Variants in PCDH11X observed in about 807,000 individuals in gnomAD.
PCDH11X encodes protocadherin 11 X-linked, also known as protocadherin-11 X-linked.
Under a neutral mutation model 53.3 loss-of-function variants are expected in PCDH11X, and 18 were observed. The observed-to-expected ratio is 0.34, with a 90% confidence interval of 0.23 to 0.50. PCDH11X has a LOEUF of 0.50. PCDH11X is among the 20% of genes least tolerant of loss of function. PCDH11X has a pLI of 0.98. For missense variants in PCDH11X, 570 were observed against 1,032.4 expected (o/e 0.55, Z 6.14); for synonymous variants, 279 against 393.3 (o/e 0.71, Z 3.44).
chrX:92,425,659 C>A (rs1168560044), intron 9 of PCDH11X, among the ~76,000 whole-genome samples: 1 of 102,388 alleles, frequency 9.8e-6, no homozygotes, highest in Non-Finnish European at 2.0e-5. Context: ...AAAGAGTATA[C>A]AAATGGGGTT....
chrX:92,292,566 G>A (rs373881242), intron 8 of PCDH11X, among the ~76,000 whole-genome samples: 2 of 110,751 alleles, frequency 1.8e-5, no homozygotes. Flanking sequence ...GTCATTTACT[G>A]AAGCCACAAC....
chrX:91,880,828 A>G (rs1404115121), intron 6 of PCDH11X, among the ~76,000 whole-genome samples: 7 of 110,127 alleles, frequency 6.4e-5, no homozygotes, highest in Non-Finnish European at 1.1e-4. Flanking sequence ...GTTTTTGTTT[A>G]TATTTAACCA....
chrX:92,167,242 CT>C (rs1226182882), intron 6 of PCDH11X, among the ~76,000 whole-genome samples: 3 of 111,237 alleles, frequency 2.7e-5, no homozygotes, highest in Non-Finnish European at 5.7e-5. Flanking sequence ...GGAATCTTCT[CT>C]TAAGAACTTT....
chrX:92,428,688 T>C (rs2072182562), intron 9 of PCDH11X, among the ~76,000 whole-genome samples: 1 of 111,384 alleles, frequency 9.0e-6, no homozygotes, highest in South Asian at 3.7e-4. Context: ...CATGCTAGTA[T>C]GGTTGTGCTA....
chrX:92,316,263 T>C (rs1020151601), intron 8 of PCDH11X, among the ~76,000 whole-genome samples: 1 of 110,735 alleles, frequency 9.0e-6, no homozygotes, highest in African/African-American at 3.3e-5. Flanking sequence ...TGCCAAATGC[T>C]AGGCAAATAA....
chrX:92,604,856 G>GA (rs1926621541), intron 10 of PCDH11X, among the ~76,000 whole-genome samples: 1 of 109,043 alleles, frequency 9.2e-6, no homozygotes, highest in African/African-American at 3.4e-5. Context: ...ATTTTATCAT[G>GA]AAAAAATGGT....
chrX:92,035,033 T>G (rs1162846256), intron 6 of PCDH11X, among the ~76,000 whole-genome samples: 4 of 110,911 alleles, frequency 3.6e-5, no homozygotes, highest in Non-Finnish European at 3.8e-5. Flanking sequence ...ATAAAACTAA[T>G]AAAAACTTTA....
At chrX:92,210,037 G>C (rs1013305650) in intron 7 of PCDH11X, among the ~76,000 whole-genome samples, 2 of 110,784 alleles carry the variant, frequency 1.8e-5, no homozygotes, top group Non-Finnish European at 3.8e-5. Context: ...GCACAGAGCA[G>C]CAGGGTCCTG....
intron 6 of PCDH11X, among the ~76,000 whole-genome samples, chrX:92,090,507 A>T (rs2064031323): frequency 9.0e-6 from 1 of 111,676 alleles, no homozygotes; most frequent in South Asian, 3.7e-4. Flanking sequence ...CTTTAACTTC[A>T]AATGGAATTG....
intron 6 of PCDH11X, among the ~76,000 whole-genome samples, chrX:92,148,269 T>C (rs1245491114): frequency 2.1e-5 from 2 of 94,561 alleles, no homozygotes; most frequent in Non-Finnish European, 4.2e-5. Flanking sequence ...TTGCTCAGGC[T>C]GGAGGCTGGA....
intron 6 of PCDH11X, among the ~76,000 whole-genome samples, chrX:92,059,318 A>G (rs1308680456): frequency 1.8e-5 from 2 of 111,387 alleles, no homozygotes; most frequent in Non-Finnish European, 1.9e-5. Flanking sequence ...TTTGATCCTC[A>G]CAATCCCATG....
At chrX:92,476,325 A>G (rs2073385774) in intron 10 of PCDH11X, among the ~76,000 whole-genome samples, 1 of 111,245 alleles carries the variant, frequency 9.0e-6, no homozygotes, top group Non-Finnish European at 1.9e-5. Context: ...ATGGACTAAT[A>G]CAAAGACTCT....
At chrX:91,879,624 G>A (rs1160957475) in intron 6 of PCDH11X, 1 of 947,210 alleles carries the variant, frequency 1.1e-6, no homozygotes, top group African/African-American at 2.1e-5. Context: ...GAATAGTCTG[G>A]GCTAGATACA....
intron 9 of PCDH11X, among the ~76,000 whole-genome samples, chrX:92,453,294 A>G (rs2072838889): frequency 9.0e-6 from 1 of 110,595 alleles, no homozygotes; most frequent in Non-Finnish European, 1.9e-5. Flanking sequence ...GGACAACCAT[A>G]TAGAAACTCA....
rs184789336 is a variant in PCDH11X at position 91,927,367 on chromosome X, A to G, written c.3033+48094A>G. On this transcript the variant is annotated intron_variant, in intron 6 of 10. Coordinates refer to ENST00000682573, the MANE Select transcript of PCDH11X (RefSeq NM_032968.5). Reference sequence around the variant, plus strand: ...CTCATTTAATTCTCATAATAACTATATGATATAGATTCCATTATCTTCCCC... The same window carrying G: ...CTCATTTAATTCTCATAATAACTATGTGATATAGATTCCATTATCTTCCCC... Among the ~76,000 whole-genome samples the G allele has an allele frequency of 8.0e-3, 873 of 109,585 alleles. 10 individuals carry two copies. The highest frequency in any genetic ancestry group is 0.028 in the African/African-American group (845 of 30,289).
At chrX:92,066,595 G>A (rs962615413) in intron 6 of PCDH11X, among the ~76,000 whole-genome samples, 3 of 110,410 alleles carry the variant, frequency 2.7e-5, no homozygotes, top group Non-Finnish European at 5.7e-5. Flanking sequence ...TTTATTTGTA[G>A]CCCTTGTAAA....
At chrX:92,247,679 A>G (rs764322346) in intron 7 of PCDH11X, among the ~76,000 whole-genome samples, 5 of 111,747 alleles carry the variant, frequency 4.5e-5, no homozygotes, top group African/African-American at 1.3e-4. Flanking sequence ...CCATCTTCAC[A>G]TGGCCTTCTC....
chrX:92,327,043 C>T (rs1453205458), intron 8 of PCDH11X, among the ~76,000 whole-genome samples: 2 of 108,603 alleles, frequency 1.8e-5, no homozygotes, highest in Non-Finnish European at 3.8e-5. Flanking sequence ...TGCATGCTTT[C>T]AAAGGCCATA....
chrX:92,547,784 G>GAAA (rs770482150), intron 10 of PCDH11X, among the ~76,000 whole-genome samples: 263 of 109,268 alleles, frequency 2.4e-3, no homozygotes, highest in Non-Finnish European at 3.9e-3. Flanking sequence ...AGGCTGGAGT[G>GAAA]CAGTGGCTGG....
Sources: gnomAD v4.1 joint callset for allele counts (sites outside exome capture counted in the v4.1 genomes callset) on GRCh38, gnomAD v4.1.1 for gene constraint, MANE v1.5 for transcripts, NCBI Gene and HGNC (gene_info 2026-07-23, HGNC 2026-07-21) for gene names.